Variants in CNTN5 observed in about 807,000 individuals in gnomAD.
The protein encoded by CNTN5 is contactin-5.
A neutral mutation model predicts 129.1 loss-of-function variants in CNTN5; 77 were observed. The ratio of observed to expected loss-of-function variants is 0.60; its 90% CI spans 0.50 to 0.72. CNTN5 has a LOEUF of 0.72. CNTN5 is among the 30% of genes least tolerant of loss of function. The pLI, the probability that CNTN5 is intolerant of heterozygous loss-of-function variation, is 0.00. For missense variants in CNTN5, 1,478 were observed against 1,328.8 expected (o/e 1.11, Z -1.75); for synonymous variants, 509 against 465.6 (o/e 1.09, Z -1.20).
rs541025695 is a variant in CNTN5 at position 100,078,779 on chromosome 11, T to C, written c.1580+4485T>C. Among the ~76,000 whole-genome samples, 3 of 152,254 alleles carry C rather than the reference T, an allele frequency of 2.0e-5. No individual in the cohort carries two copies. In the South Asian group the frequency reaches 6.2e-4, roughly 32 times the overall value. ...AGTACTCAGTGAATGTTATGTATAA[T>C]GATAATGATACTGATGACGATGATG... On this transcript the variant is annotated intron_variant, in intron 13 of 24. Transcript: ENST00000524871.
chr11:99,625,876 C>T (rs1231168099), intron 3 of CNTN5, among the ~76,000 whole-genome samples: 1 of 150,824 alleles, frequency 6.6e-6, no homozygotes, highest in Non-Finnish European at 1.5e-5. Flanking sequence ...TGTCAAGTCT[C>T]ATGAGCTCAT....
chr11:100,047,957 C>G (rs1300171422), intron 9 of CNTN5, among the ~76,000 whole-genome samples: 1 of 152,096 alleles, frequency 6.6e-6, no homozygotes, highest in Non-Finnish European at 1.5e-5. Context: ...CGATGAAACT[C>G]TGTCTCTACT....
intron 1 of CNTN5, among the ~76,000 whole-genome samples, chr11:99,232,925 G>A (rs1861076497): frequency 6.6e-6 from 1 of 152,140 alleles, no homozygotes; most frequent in South Asian, 2.1e-4. Context: ...TAAAGAATAT[G>A]TTAAACATAT....
chr11:99,319,764 G>A (rs557025124), intron 1 of CNTN5, among the ~76,000 whole-genome samples: 1 of 152,142 alleles, frequency 6.6e-6, no homozygotes. Context: ...CACCATTCTG[G>A]CTTCATCATG....
At chr11:100,147,218 C>T (rs1946879289) in intron 13 of CNTN5, among the ~76,000 whole-genome samples, 1 of 152,084 alleles carries the variant, frequency 6.6e-6, no homozygotes, top group Non-Finnish European at 1.5e-5. Context: ...CAGGCAGGGT[C>T]CCATCTCTGT....
chr11:99,392,417 A>T (rs2136190661), intron 2 of CNTN5, among the ~76,000 whole-genome samples: 2 of 151,878 alleles, frequency 1.3e-5, no homozygotes, highest in East Asian at 3.9e-4. Flanking sequence ...ATGAAATTGA[A>T]AATACAAAAT....
chr11:100,192,541 A>C (rs1948524073), intron 14 of CNTN5, among the ~76,000 whole-genome samples: 1 of 152,040 alleles, frequency 6.6e-6, no homozygotes, highest in African/African-American at 2.4e-5. Flanking sequence ...CAATAGACCT[A>C]GAATAGGAAA....
At chr11:100,213,038 T>C (rs1411478529) in intron 15 of CNTN5, among the ~76,000 whole-genome samples, 1 of 152,110 alleles carries the variant, frequency 6.6e-6, no homozygotes, top group Non-Finnish European at 1.5e-5. Context: ...ATCTGTAATA[T>C]CTTACTAAAT....
At chr11:99,748,409 A>G (rs560121504) in intron 3 of CNTN5, among the ~76,000 whole-genome samples, 1 of 135,936 alleles carries the variant, frequency 7.4e-6, no homozygotes, top group East Asian at 3.3e-4. Context: ...CAGCAGAACA[A>G]TCCATAGAGA....
At chr11:99,857,568 G>A (rs755113721) in intron 6 of CNTN5, among the ~76,000 whole-genome samples, 4 of 152,052 alleles carry the variant, frequency 2.6e-5, no homozygotes, top group Non-Finnish European at 5.9e-5. Flanking sequence ...TAATAACTAT[G>A]TTGAATAGAA....
chr11:99,849,974 C>G (rs1947820423), intron 6 of CNTN5, among the ~76,000 whole-genome samples: 1 of 151,942 alleles, frequency 6.6e-6, no homozygotes, highest in Admixed American at 6.6e-5. Context: ...TGCTTGCTTC[C>G]TCAGTCATCA....
At chr11:99,593,939 C>CCTCTT (rs1950051673) in intron 3 of CNTN5, among the ~76,000 whole-genome samples, 2 of 152,168 alleles carry the variant, frequency 1.3e-5, no homozygotes, top group African/African-American at 4.8e-5. Flanking sequence ...TGTCAGAGGT[C>CCTCTT]AACAGCGTGA....
chr11:99,464,603 T>C (rs112418337), intron 2 of CNTN5, among the ~76,000 whole-genome samples: 1,850 of 152,284 alleles, frequency 0.012, 39 homozygotes, highest in African/African-American at 0.042. Context: ...AGCATTGAAA[T>C]TGAATTACAT....
At chr11:99,612,795 G>C (rs1298277732) in intron 3 of CNTN5, among the ~76,000 whole-genome samples, 1 of 152,052 alleles carries the variant, frequency 6.6e-6, no homozygotes, top group Non-Finnish European at 1.5e-5. Context: ...TATTTGAAAG[G>C]CACTCTGCCA....
At chr11:99,360,741 A>T (rs1449981249) in intron 2 of CNTN5, among the ~76,000 whole-genome samples, 1 of 152,158 alleles carries the variant, frequency 6.6e-6, no homozygotes, top group Non-Finnish European at 1.5e-5. Flanking sequence ...CTTCCACACA[A>T]GCATACTAAT....
intron 13 of CNTN5, among the ~76,000 whole-genome samples, chr11:100,107,488 CTTT>C (rs10630943): frequency 2.3e-5 from 3 of 130,494 alleles, no homozygotes; most frequent in Non-Finnish European, 1.6e-5. Context: ...CTATAGTATT[CTTT>C]TTTTTTTTTT....
At chr11:99,912,918 T>C (rs1949698776) in intron 6 of CNTN5, among the ~76,000 whole-genome samples, 1 of 152,052 alleles carries the variant, frequency 6.6e-6, no homozygotes, top group African/African-American at 2.4e-5. Context: ...TTTAGAGTCT[T>C]CGTATTGTGA....
chr11:100,034,054 T>A (rs73561014), intron 9 of CNTN5, among the ~76,000 whole-genome samples: 2,070 of 152,316 alleles, frequency 0.014, 60 homozygotes, highest in African/African-American at 0.048. Context: ...ACTCTCTTAC[T>A]GTTAACCATT....
At chr11:99,248,657 G>A (rs149532077) in intron 1 of CNTN5, among the ~76,000 whole-genome samples, 5,690 of 152,180 alleles carry the variant, frequency 0.037, 366 homozygotes, top group African/African-American at 0.13. Flanking sequence ...TGTAAGGAAG[G>A]GATCCAGTTT....
Sources: allele counts gnomAD v4.1 joint callset (sites outside exome capture counted in the v4.1 genomes callset), GRCh38; gene constraint gnomAD v4.1.1; transcripts MANE v1.5; gene names NCBI Gene and HGNC (gene_info 2026-07-23, HGNC 2026-07-21).